TCF12: variants seen among roughly 807,000 people sequenced by gnomAD.
The protein encoded by TCF12 is DNA-binding protein HTF4.
Under a neutral mutation model 86.0 loss-of-function variants are expected in TCF12, and 45 were observed. The observed-to-expected ratio is 0.52, with a 90% CI of 0.41 to 0.67. The LOEUF is 0.67. Ranked by LOEUF, TCF12 falls within the 30% of genes least tolerant of loss-of-function variation. The probability of loss-of-function intolerance (pLI) is 0.00; values close to 1 mark genes in which losing one functional copy is unlikely to be tolerated. For synonymous variants in TCF12, 330 were observed against 299.6 expected (o/e 1.10, Z -1.05); for missense variants, 881 against 859.9 (o/e 1.02, Z -0.31).
intron 17 of TCF12, 34 bp from the exon 18 acceptor site, chr15:57,263,078 C>A: frequency 6.3e-7 from 1 of 1,576,892 alleles, no homozygotes; most frequent in South Asian, 1.2e-5. Flanking sequence ...TGAGTCTCGT[C>A]TTTTATTTTA....
intron 3 of TCF12, among the ~76,000 whole-genome samples, chr15:57,017,095 A>T (rs950908988): frequency 1.1e-4 from 17 of 152,166 alleles, no homozygotes; most frequent in Admixed American, 2.6e-4. Context: ...TTCTACCTTC[A>T]TCCTTGAAAG....
intron 5 of TCF12, among the ~76,000 whole-genome samples, chr15:57,115,742 A>G (rs1337668636): frequency 6.6e-6 from 1 of 152,182 alleles, no homozygotes; most frequent in Non-Finnish European, 1.5e-5. Context: ...GTTTTGTGCG[A>G]GAAAGGTCAG....
In TCF12 at chr15:57,287,839, A is replaced by G. The variant is rs571749923; in HGVS notation, c.*1694A>G. On this transcript the variant is annotated 3_prime_UTR_variant, in exon 21 of 21. Transcript: ENST00000333725. ...TAATTTGCATATATTCTCCAGTTAC[A>G]TCGGACTCTATCTGTGGCCTTGTTC... 5 of 152,654 alleles carry G rather than the reference A, an allele frequency of 3.3e-5. No individual in the cohort carries two copies. Among genetic ancestry groups the G allele is most frequent in the Non-Finnish European group, 7.3e-5 (5 of 68,040 alleles). 9.5% of individuals were successfully genotyped at this position (152,654 alleles called of 1,614,324 possible). A position where few individuals can be genotyped will look rare whatever the true frequency, so the allele number is the denominator to read the frequency against.
chr15:57,263,360 C>T, intron 18 of TCF12, 86 bp downstream of exon 18: 1 of 1,361,524 alleles, frequency 7.3e-7, no homozygotes, highest in Admixed American at 2.2e-5. Context: ...CATTTATTAA[C>T]TGTCAGCTAT....
In TCF12 at chr15:57,286,500, A is replaced by G; in HGVS notation, c.*355A>G. 2.6e-6 allele frequency: 1 copy of G among 388,060 alleles called. No homozygotes were observed. The highest frequency in any genetic ancestry group is 3.3e-5 in the Admixed American group (1 of 30,348). 24.0% of individuals were successfully genotyped at this position (388,060 alleles called of 1,614,324 possible). Reference sequence around the variant, plus strand: ...AAACTGAATTGACAAATGCATTGTAACTACAAATTTTATTTATTGTTATGA... The same window carrying G: ...AAACTGAATTGACAAATGCATTGTAGCTACAAATTTTATTTATTGTTATGA... On this transcript the variant is annotated 3_prime_UTR_variant, in exon 21 of 21. Transcript: ENST00000333725.
chr15:57,026,548 C>T (rs1285650373), intron 3 of TCF12, among the ~76,000 whole-genome samples: 3 of 152,124 alleles, frequency 2.0e-5, no homozygotes, highest in Middle Eastern at 3.4e-3. Context: ...CTGATTTAGT[C>T]GTTAATATTT....
At chr15:57,083,508 G>T (rs555518657) in intron 4 of TCF12, among the ~76,000 whole-genome samples, 21 of 151,914 alleles carry the variant, frequency 1.4e-4, no homozygotes, top group African/African-American at 4.6e-4. Context: ...GAAAATATAG[G>T]CAAATGAAAA....
At chr15:57,131,100 C>CT (rs1167168358) in intron 5 of TCF12, among the ~76,000 whole-genome samples, 1 of 152,114 alleles carries the variant, frequency 6.6e-6, no homozygotes, top group East Asian at 1.9e-4. Context: ...TTTCCTGTGT[C>CT]TTTGGGGGCA....
chr15:57,023,372 T>C (rs2065614834), intron 3 of TCF12, among the ~76,000 whole-genome samples: 2 of 152,140 alleles, frequency 1.3e-5, no homozygotes, highest in Non-Finnish European at 2.9e-5. Flanking sequence ...GGTGAGGACA[T>C]TGAAACTCTC....
At chr15:57,086,974 G>T (rs1436010058) in intron 4 of TCF12, among the ~76,000 whole-genome samples, 1 of 151,856 alleles carries the variant, frequency 6.6e-6, no homozygotes, top group Non-Finnish European at 1.5e-5. Flanking sequence ...AACCAGATAA[G>T]AGTACTATTA....
At chr15:57,196,442 G>C (rs1236647908) in intron 7 of TCF12, among the ~76,000 whole-genome samples, 2 of 152,146 alleles carry the variant, frequency 1.3e-5, no homozygotes, top group East Asian at 3.9e-4. Flanking sequence ...TGATACTGAG[G>C]AATGATTGTG....
chr15:57,188,897 C>T (rs2056829761), intron 6 of TCF12, among the ~76,000 whole-genome samples: 1 of 152,234 alleles, frequency 6.6e-6, no homozygotes, highest in African/African-American at 2.4e-5. Context: ...CAGCGATCTT[C>T]CCACCTCAGC....
intron 3 of TCF12, among the ~76,000 whole-genome samples, chr15:56,963,183 G>C (rs929172202): frequency 6.6e-6 from 1 of 151,638 alleles, no homozygotes; most frequent in African/African-American, 2.4e-5. Flanking sequence ...GTGGTATTTT[G>C]TGTTAACTTG....
chr15:57,207,057 T>G (rs2057858465), intron 8 of TCF12, among the ~76,000 whole-genome samples: 1 of 151,930 alleles, frequency 6.6e-6, no homozygotes, highest in Non-Finnish European at 1.5e-5. Flanking sequence ...TAGTGAGCTG[T>G]GATCACACCA....
intron 13 of TCF12, among the ~76,000 whole-genome samples, chr15:57,245,911 G>A (rs940003034): frequency 6.6e-6 from 1 of 151,916 alleles, no homozygotes; most frequent in East Asian, 1.9e-4. Context: ...TGGCTCCTGT[G>A]TCTTGGTTCT....
At chr15:57,123,512 CT>C (rs35756318) in intron 5 of TCF12, among the ~76,000 whole-genome samples, 63,653 of 148,100 alleles carry the variant, frequency 0.43, 15,140 homozygotes, top group Non-Finnish European at 0.53. Context: ...TACCACTTCT[CT>C]TTTTTTTTTT....
In TCF12 at chr15:56,919,875, C is replaced by T. The variant is rs1234517318; in HGVS notation, c.-22-17C>T. The T allele has an allele frequency of 1.2e-6, 2 of 1,610,938 alleles. No individual in the cohort carries two copies. Among genetic ancestry groups the T allele is most frequent in the East Asian group, 2.2e-5 (1 of 44,788 alleles). On this transcript the variant is annotated splice_polypyrimidine_tract_variant and intron_variant, in intron 1 of 20. Transcript: ENST00000333725. ...GGCCTCGGTGGTCTCTCGCTGAGCC[C>T]GTTTCCTCTGCCCTAGGACCTGCTA...
At chr15:57,190,903 A>G (rs1308562006) in intron 6 of TCF12, among the ~76,000 whole-genome samples, 1 of 152,212 alleles carries the variant, frequency 6.6e-6, no homozygotes, top group Non-Finnish European at 1.5e-5. Context: ...ATGGATGATA[A>G]TGGTGGACGA....
chr15:57,269,855 C>A (rs1269721692), intron 18 of TCF12, among the ~76,000 whole-genome samples: 1 of 152,124 alleles, frequency 6.6e-6, no homozygotes, highest in East Asian at 1.9e-4. Flanking sequence ...GTTGAAAATT[C>A]TTTTCTTTAA....
Sources: allele counts gnomAD v4.1 joint callset (sites outside exome capture counted in the v4.1 genomes callset), GRCh38; gene constraint gnomAD v4.1.1; transcripts MANE v1.5; gene names NCBI Gene and HGNC (gene_info 2026-07-23, HGNC 2026-07-21).